TENM4: variants seen among roughly 807,000 people sequenced by gnomAD.
TENM4 encodes teneurin-4.
In TENM4, 82 loss-of-function variants were observed where a neutral mutation model predicts 243.3. That is an observed-to-expected ratio of 0.34 (90% confidence interval 0.28 to 0.40). TENM4 has a LOEUF of 0.40. TENM4 is among the 10% of genes least tolerant of loss of function. TENM4 has a pLI of 1.00. For synonymous variants in TENM4, 1,412 were observed against 1,456.3 expected, an observed-to-expected ratio of 0.97 and a Z score of 0.69; for missense variants, 3,138 against 3,673.3, an observed-to-expected ratio of 0.85 and a Z score of 3.77.
chr11:79,061,554 T>C lies in TENM4; in HGVS notation c.493+3184A>G, dbSNP rs549311617. On this transcript the variant is annotated intron_variant, in intron 6 of 33. Transcript: ENST00000278550. ...CTCTTCAGGCTTGATTAATATGTCA[T>C]TATCACCCAACAGAGGCTTAATTCA... Among the ~76,000 whole-genome samples the C allele has an allele frequency of 2.0e-5, 3 of 152,308 alleles. No individual in the cohort carries two copies. The East Asian group carries it at 5.8e-4, about 29-fold the overall frequency.
At chr11:78,967,702 G>A (rs1293251690) in intron 6 of TENM4, among the ~76,000 whole-genome samples, 1 of 152,164 alleles carries the variant, frequency 6.6e-6, no homozygotes, top group Admixed American at 6.5e-5. Context: ...ACATGTCCTG[G>A]TTATCAGCTG....
At chr11:79,306,831 A>G (rs1339186474) in intron 1 of TENM4, among the ~76,000 whole-genome samples, 1 of 152,142 alleles carries the variant, frequency 6.6e-6, no homozygotes, top group Non-Finnish European at 1.5e-5. Flanking sequence ...CAGCCCAATG[A>G]TGCCCCCTCT....
chr11:78,696,389 T>C (rs1286198440), intron 28 of TENM4, among the ~76,000 whole-genome samples: 2 of 152,226 alleles, frequency 1.3e-5, no homozygotes, highest in African/African-American at 4.8e-5. Context: ...GTGATTCTGA[T>C]GATTTCTTTG....
At chr11:78,942,033 C>T (rs773472814) in intron 6 of TENM4, among the ~76,000 whole-genome samples, 1 of 150,938 alleles carries the variant, frequency 6.6e-6, no homozygotes, top group South Asian at 2.1e-4. Context: ...TTTTGGCTTT[C>T]CCTGGGCCAT....
chr11:78,854,421 A>C, intron 11 of TENM4, 107 bp from the exon 12 acceptor site: 1 of 1,067,676 alleles, frequency 9.4e-7, no homozygotes, highest in Non-Finnish European at 1.3e-6. Context: ...AAATAGAGGC[A>C]AAAAGGGCCC....
chr11:79,394,876 T>C (rs1219738788), intron 1 of TENM4, among the ~76,000 whole-genome samples: 1 of 152,104 alleles, frequency 6.6e-6, no homozygotes, highest in Non-Finnish European at 1.5e-5. Context: ...AGGCAGAGAC[T>C]GGACTTATCA....
chr11:79,056,894 C>A (rs577981627), intron 6 of TENM4, among the ~76,000 whole-genome samples: 11 of 152,300 alleles, frequency 7.2e-5, no homozygotes, highest in African/African-American at 2.4e-4. Flanking sequence ...CAGGGGCAAG[C>A]CCCCCGTCCT....
At chr11:79,304,576 TCTCC>T (rs1396410451) in intron 1 of TENM4, among the ~76,000 whole-genome samples, 3 of 152,186 alleles carry the variant, frequency 2.0e-5, no homozygotes, top group Non-Finnish European at 4.4e-5. Context: ...TTTTGTCCTT[TCTCC>T]CTCCCTCTTG....
At chr11:79,056,702 C>G (rs139484510) in intron 6 of TENM4, among the ~76,000 whole-genome samples, 3 of 152,226 alleles carry the variant, frequency 2.0e-5, no homozygotes, top group Non-Finnish European at 4.4e-5. Context: ...AGTCAGGCAC[C>G]AAGGTCAGAA....
intron 6 of TENM4, among the ~76,000 whole-genome samples, chr11:79,031,323 G>A (rs1254850468): frequency 6.6e-6 from 1 of 152,154 alleles, no homozygotes; most frequent in Non-Finnish European, 1.5e-5. Flanking sequence ...AGATTCAATA[G>A]GGAAAAGAAG....
intron 4 of TENM4, among the ~76,000 whole-genome samples, chr11:79,116,700 C>T (rs187542151): frequency 1.2e-4 from 18 of 152,340 alleles, no homozygotes; most frequent in African/African-American, 4.1e-4. Flanking sequence ...CCCTGATTTA[C>T]TTACTGTTTA....
Position 78,889,843 on chromosome 11 carries a change from T to C in TENM4, c.1026A>G (p.Ala342=), listed in dbSNP as rs1348403839. The change falls in exon 9 of 34, where the codon GCA becomes GCG. Residue 342 remains alanine (A), a synonymous_variant. Transcript: ENST00000278550. ...KPSKYCNWKC[A]ALSAIVISAT... ...CTGAGATGACGATGGCGCTCAGGGC[T>C]GCGCACTTCCAGTTACAGTACTTGG... is the stretch of plus-strand genomic sequence containing the variant. The C allele has an allele frequency of 7.1e-6, 11 of 1,551,706 alleles. No homozygotes were observed. Among genetic ancestry groups the C allele is most frequent in the Non-Finnish European group, 8.7e-6 (10 of 1,147,042 alleles).
chr11:79,110,401 C>G (rs112447818), intron 4 of TENM4, among the ~76,000 whole-genome samples: 9 of 152,170 alleles, frequency 5.9e-5, no homozygotes, highest in African/African-American at 2.2e-4. Flanking sequence ...CTCACAGCAC[C>G]CTGGGGACTC....
At chr11:79,436,952 C>T (rs1859283546) in intron 1 of TENM4, among the ~76,000 whole-genome samples, 1 of 152,226 alleles carries the variant, frequency 6.6e-6, no homozygotes, top group South Asian at 2.1e-4. Flanking sequence ...AATTAGCCCC[C>T]TAAAAGCACA....
At chr11:79,264,645 CAA>C (rs1565274905) in intron 2 of TENM4, among the ~76,000 whole-genome samples, 4 of 152,128 alleles carry the variant, frequency 2.6e-5, no homozygotes, top group Admixed American at 1.3e-4. Flanking sequence ...CCCAAACAAA[CAA>C]AATCTCTGGG....
chr11:79,025,331 G>A (rs1410661705), intron 6 of TENM4, among the ~76,000 whole-genome samples: 3 of 152,182 alleles, frequency 2.0e-5, no homozygotes, highest in African/African-American at 7.2e-5. Context: ...GACATCTAGA[G>A]GCTTTCACAT....
At chr11:78,878,832 C>G (rs2136262627) in intron 9 of TENM4, among the ~76,000 whole-genome samples, 2 of 152,272 alleles carry the variant, frequency 1.3e-5, no homozygotes, top group Middle Eastern at 6.8e-3. Context: ...AATAAGAAAA[C>G]AGAGCAGAGG....
intron 2 of TENM4, among the ~76,000 whole-genome samples, chr11:79,275,043 G>T (rs924422225): frequency 1.3e-5 from 2 of 152,156 alleles, no homozygotes; most frequent in African/African-American, 4.8e-5. Flanking sequence ...TTGGATCCCT[G>T]TAAAACTTCC....
intron 26 of TENM4, among the ~76,000 whole-genome samples, chr11:78,711,944 C>G (rs557189427): frequency 8.5e-5 from 13 of 152,282 alleles, no homozygotes; most frequent in African/African-American, 3.1e-4. Context: ...AAGCGAATAA[C>G]AAATTGTGAT....
Sources: gnomAD v4.1 joint callset for allele counts (sites outside exome capture counted in the v4.1 genomes callset) on GRCh38, gnomAD v4.1.1 for gene constraint, MANE v1.5 for transcripts, NCBI Gene and HGNC (gene_info 2026-07-23, HGNC 2026-07-21) for gene names.